The following TTN variants were observed in gnomAD, a reference collection of about 807,000 sequenced individuals.
TTN encodes the protein connectin.
A neutral mutation model predicts 3,223.0 loss-of-function variants in TTN; 1,525 were observed. That is an observed-to-expected ratio of 0.47 (90% CI 0.45 to 0.49). The LOEUF is 0.49. Ranked by LOEUF, TTN falls within the 20% of genes least tolerant of loss-of-function variation. The probability of loss-of-function intolerance (pLI) is 0.00; values close to 1 mark genes in which losing one functional copy is unlikely to be tolerated. For synonymous variants in TTN, 14,094 were observed against 15,161.0 expected (o/e 0.93, Z 5.17); for missense variants, 40,786 against 43,424.0 (o/e 0.94, Z 5.40).
At position 178,575,296 on chromosome 2, in the gene TTN, C is replaced by A. The variant is rs756297295; in HGVS notation, c.70836G>T (p.Gly23612=). ...GTCTGCTTTCTCTAGGGGCACTTCT[C>A]CCCGCGCTGTTCACTGCCATCACTT... is the stretch of plus-strand genomic sequence containing the variant. The part of the protein sequence containing the change: ...TFQVMAVNSA[G]RSAPRESRPV... The change falls in exon 326 of 363, where the codon GGG becomes GGT. Residue 23612 remains glycine, a synonymous_variant. Coordinates refer to ENST00000589042, the MANE Select transcript of TTN (RefSeq NM_001267550.2). This position sits in a 1 kb window ranked among gnomAD's most constrained non-coding sequence, Gnocchi z 4.0. The A allele has an allele frequency of 6.2e-7, 1 of 1,613,426 alleles. No homozygotes were observed. The highest frequency in any genetic ancestry group is 8.5e-7 in the Non-Finnish European group (1 of 1,179,634).
Position 178,777,864 on chromosome 2 carries a change from T to A in TTN, c.4320A>T (p.Gly1440=). ...ACTCATCTGTCTCCTCCAGCCTACG[T>A]CCAGGGGACATTCTTGCAGGGGACA... ...ARMSPARMSP[G]RRLEETDESQ... Residue 1440 remains glycine (G), a synonymous_variant, in exon 25 of 363, where the codon GGA becomes GGT. Coordinates refer to ENST00000589042, the MANE Select transcript of TTN (RefSeq NM_001267550.2). The A allele has an allele frequency of 1.9e-6, 3 of 1,614,022 alleles. No individual in the cohort carries two copies. Among genetic ancestry groups the A allele is most frequent in the Non-Finnish European group, 2.5e-6 (3 of 1,179,930 alleles).
At chr2:178,684,525 A>C (rs1018188933) in intron 131 of TTN, 112 bp from the exon 132 acceptor site, 5 of 1,365,182 alleles carry the variant, frequency 3.7e-6, no homozygotes, top group South Asian at 1.3e-5. Flanking sequence ...CACACACACA[A>C]AAACATCACA....
chr2:178,544,336 T>C lies in TTN; in HGVS notation c.95893A>G (p.Ile31965Val), dbSNP rs1696027685. Residue 31965 changes from isoleucine (I) to valine (V), a missense_variant, in exon 345 of 363, where the codon ATA becomes GTA. Ile to Val is a conservative substitution (Grantham distance 29, BLOSUM62 3). Transcript: ENST00000589042. ...GGCACAGTGAATTCAGTATTTCTTATTGTGGCATTGGTATGCACTCGGTAC... is the reference window on the plus strand; with the variant it reads ...GGCACAGTGAATTCAGTATTTCTTACTGTGGCATTGGTATGCACTCGGTAC... ...QWYRVHTNAT[I>V]RNTEFTVPDL... 1.2e-6 allele frequency: 2 copies of C among 1,613,822 alleles called. No homozygotes were observed. The highest frequency in any genetic ancestry group is 1.7e-6 in the Non-Finnish European group (2 of 1,179,748).
chr2:178,782,830 T>C lies in TTN; in HGVS notation c.3076A>G (p.Thr1026Ala), dbSNP rs2092899291. 1 of 1,613,210 alleles carries C rather than the reference T, an allele frequency of 6.2e-7. No homozygotes were observed. The highest frequency in any genetic ancestry group is 1.1e-5 in the South Asian group (1 of 91,038). ...SAVNEAGTVSTSCYLAVQVSE... is the reference protein window; with the variant it reads ...SAVNEAGTVSASCYLAVQVSE... Reference sequence around the variant, plus strand: ...CCCTGCACAGCCAGATAGCAGGATGTGCTGACGGTTCCAGCCTCATTTACA... The same window carrying C: ...CCCTGCACAGCCAGATAGCAGGATGCGCTGACGGTTCCAGCCTCATTTACA... The change falls in exon 18 of 363, where the codon ACA (threonine) becomes GCA (alanine). Residue 1026 changes from threonine to alanine, a missense_variant. Coordinates refer to ENST00000589042, the MANE Select transcript of TTN (RefSeq NM_001267550.2).
Position 178,770,858 on chromosome 2 carries a change from G to A in TTN, c.8117-183C>T, listed in dbSNP as rs2091368984. 3.4e-6 allele frequency: 3 copies of A among 871,304 alleles called. No individual in the cohort carries two copies. The South Asian group carries it at 4.0e-5, about 11-fold the overall frequency. The allele number at this position is 871,304 out of a possible 1,614,324, so 54.0% of individuals were successfully genotyped here. A position where few individuals can be genotyped will look rare whatever the true frequency, so the allele number is the denominator to read the frequency against. The stretch of plus-strand genomic sequence containing the variant: ...TTTAGGGGAACCTGGGATCCAACTG[G>A]ACATGTACATCGTGAAATGATTTTT... On this transcript the variant is annotated intron_variant, in intron 34 of 362. Coordinates refer to ENST00000589042, the MANE Select transcript of TTN (RefSeq NM_001267550.2).
Position 178,728,526 on chromosome 2 carries a change from C to A in TTN, c.19400G>T (p.Ser6467Ile). Residue 6467 changes from serine (S) to isoleucine (I), a missense_variant, in exon 66 of 363, where the codon AGC (serine) becomes ATC (isoleucine). Physicochemically the swap from Ser to Ile is moderately radical, Grantham distance 142. Coordinates refer to ENST00000589042, the MANE Select transcript of TTN (RefSeq NM_001267550.2). ...FKVENDFGSS[S>I]CDAYLRVLDQ... ...TAGCACTCTTAAGTAGGCATCACAG[C>A]TACTGCTTCCGAAGTCATTTTCCAC... 6.2e-7 allele frequency: 1 copy of A among 1,611,918 alleles called. No homozygotes were observed. The highest frequency in any genetic ancestry group is 8.5e-7 in the Non-Finnish European group (1 of 1,178,696).
At chr2:178,750,085 A>C in intron 47 of TTN, 1 of 1,613,240 alleles carries the variant, frequency 6.2e-7, no homozygotes, top group South Asian at 1.1e-5. Flanking sequence ...CTGTTACCTG[A>C]ATTTCTACAG....
Position 178,543,830 on chromosome 2 carries a change from T to C in TTN, c.96310+4A>G, listed in dbSNP as rs781222763. The stretch of plus-strand genomic sequence containing the variant: ...GTATAGCCAATTTTAAGTAAAATGC[T>C]TACCATAGACTTTAACAAGGACTGT... On this transcript the variant is annotated splice_donor_region_variant and intron_variant, in intron 346 of 362. Coordinates refer to ENST00000589042, the MANE Select transcript of TTN (RefSeq NM_001267550.2). 6.2e-7 allele frequency: 1 copy of C among 1,612,986 alleles called. No individual in the cohort carries two copies. Among genetic ancestry groups the C allele is most frequent in the African/African-American group, 1.3e-5 (1 of 75,030 alleles).
intron 92 of TTN, chr2:178,713,613 T>C: frequency 1.4e-6 from 1 of 695,480 alleles, no homozygotes; most frequent in East Asian, 2.8e-5. Flanking sequence ...CGTGAAGAAT[T>C]ATGTGGTGAA....
At position 178,782,330 on chromosome 2, in the gene TTN, G is replaced by A; in HGVS notation, c.3262C>T (p.Pro1088Ser). 6.2e-7 allele frequency: 1 copy of A among 1,614,104 alleles called. No homozygotes were observed. The highest frequency in any genetic ancestry group is 8.5e-7 in the Non-Finnish European group (1 of 1,180,000). Residue 1088 changes from proline (P) to serine (S), a missense_variant, in exon 20 of 363, where the codon CCA becomes TCA. Coordinates refer to ENST00000589042, the MANE Select transcript of TTN (RefSeq NM_001267550.2). The part of the protein sequence containing the change: ...EPAAPYFITK[P>S]VVQKLVEGGS... Reference sequence around the variant, plus strand: ...CCTTCCACCAGTTTCTGGACCACTGGTTTTGTAATAAAGTAAGGCGCGGCA... The same window carrying A: ...CCTTCCACCAGTTTCTGGACCACTGATTTTGTAATAAAGTAAGGCGCGGCA...
chr2:178,772,997 T>C (rs1200479242), intron 33 of TTN, 112 bp downstream of exon 33: 1 of 1,402,958 alleles, frequency 7.1e-7, no homozygotes, highest in Non-Finnish European at 9.9e-7. Flanking sequence ...GGGAACAGCA[T>C]AAGCAGAGGC....
rs767107151 is a variant in TTN at position 178,733,037 on chromosome 2, A to G, written c.16139T>C (p.Ile5380Thr). ...VNGTCRLDCKIAGSLPMRVSW... is the reference protein window; with the variant it reads ...VNGTCRLDCKTAGSLPMRVSW... ...CACCCTCATGGGGAGGGAGCCTGCA[A>G]TTTTGCAGTCCAGTCTGCAGGTACC... Residue 5380 changes from isoleucine (I) to threonine (T), a missense_variant, in exon 55 of 363, where the codon ATT (isoleucine) becomes ACT (threonine). Coordinates refer to ENST00000589042, the MANE Select transcript of TTN (RefSeq NM_001267550.2). The G allele has an allele frequency of 3.1e-6, 5 of 1,613,412 alleles. No homozygotes were observed. The East Asian group carries it at 8.9e-5, about 29-fold the overall frequency.
At chr2:178,671,925 T>C in intron 155 of TTN, 46 bp downstream of exon 155, 1 of 1,562,434 alleles carries the variant, frequency 6.4e-7, no homozygotes, top group Non-Finnish European at 8.6e-7. Context: ...AAAGGAAAGT[T>C]AGAGCAAGAT....
chr2:178,629,109 A>G (rs545729346), intron 240 of TTN, among the ~76,000 whole-genome samples, 192 bp downstream of exon 240: 2 of 152,240 alleles, frequency 1.3e-5, no homozygotes, highest in East Asian at 1.9e-4. Context: ...TAAAAAAATC[A>G]TCAGGTTAAA....
Position 178,589,252 on chromosome 2 carries a change from C to T in TTN, c.62473G>A (p.Asp20825Asn). Residue 20825 changes from aspartate (D) to asparagine (N), a missense_variant, in exon 304 of 363, where the codon GAT (aspartate) becomes AAT (asparagine). By Grantham distance (23) the Asp-to-Asn change is conservative. Transcript: ENST00000589042. ...TTAGTAAGAGAAAATTTAGATGAAT[C>T]AGCACGGGTATCAATCTTGACCCTT... is the stretch of plus-strand genomic sequence containing the variant. ...SPRVKIDTRADSSKFSLTKAK... is the reference protein window; with the variant it reads ...SPRVKIDTRANSSKFSLTKAK... 1 of 1,613,452 alleles carries T rather than the reference C, an allele frequency of 6.2e-7. No individual in the cohort carries two copies.
rs777372223 is a variant in TTN at position 178,632,489 on chromosome 2, A to T, written c.43480+37T>A. On this transcript the variant is annotated intron_variant, in intron 235 of 362. Transcript: ENST00000589042. ...AAATATAAAACTAAAGGCAAAAAAAATGATTTTGGGGTGGACTATTTGATA... is the reference window on the plus strand; with the variant it reads ...AAATATAAAACTAAAGGCAAAAAAATTGATTTTGGGGTGGACTATTTGATA... 4 of 1,591,628 alleles carry T rather than the reference A, an allele frequency of 2.5e-6. No homozygotes were observed. In the African/African-American group the frequency reaches 4.1e-5, roughly 16 times the overall value.
At chr2:178,584,176 T>C in intron 311 of TTN, 100 bp downstream of exon 311, 1 of 1,338,498 alleles carries the variant, frequency 7.5e-7, no homozygotes, top group South Asian at 1.5e-5. Flanking sequence ...AGATCTCTAC[T>C]ACTCTCTGTG....
intron 281 of TTN, 87 bp from the exon 282 acceptor site, chr2:178,604,392 G>T: frequency 1.8e-6 from 2 of 1,087,604 alleles, no homozygotes; most frequent in Non-Finnish European, 2.4e-6. Context: ...ATTTTGGGAG[G>T]GATGACTGTA....
rs1184486097 is a variant in TTN at position 178,685,509 on chromosome 2, T to A, written c.32392+9A>T. ...CATAGGGATAAAACTAATTAAAGAG[T>A]CAGCATACCTTCAGCTGGCTCAGCT... On this transcript the variant is annotated intron_variant, in intron 128 of 362. Transcript: ENST00000589042. 1 of 1,608,412 alleles carries A rather than the reference T, an allele frequency of 6.2e-7. No homozygotes were observed. The highest frequency in any genetic ancestry group is 1.1e-5 in the South Asian group (1 of 89,562).
Sources: allele counts gnomAD v4.1 joint callset (sites outside exome capture counted in the v4.1 genomes callset), GRCh38; gene constraint gnomAD v4.1.1; non-coding constraint Gnocchi (gnomAD v3.1); transcripts MANE v1.5; gene names NCBI Gene and HGNC (gene_info 2026-07-23, HGNC 2026-07-21).